FRMD4B: variants seen among roughly 807,000 people sequenced by gnomAD.
FRMD4B encodes the protein FERM domain-containing protein 4B.
FRMD4B carries 74 observed loss-of-function variants against 141.5 expected under a neutral mutation model. That is an observed-to-expected ratio of 0.52 (90% CI 0.43 to 0.63). The LOEUF is 0.63. FRMD4B is among the 30% of genes least tolerant of loss of function. The pLI is 0.00. For missense variants in FRMD4B, 1,366 were observed against 1,253.4 expected (o/e 1.09, Z -1.36); for synonymous variants, 506 against 467.9 (o/e 1.08, Z -1.05).
At chr3:69,515,102 C>G (rs960540070) in intron 1 of FRMD4B, among the ~76,000 whole-genome samples, 2 of 152,160 alleles carry the variant, frequency 1.3e-5, no homozygotes, top group Admixed American at 1.3e-4. Flanking sequence ...GCCTAAATCA[C>G]TCAGTGGGGA....
chr3:69,449,615 C>T (rs1388566236), intron 1 of FRMD4B, among the ~76,000 whole-genome samples: 1 of 152,178 alleles, frequency 6.6e-6, no homozygotes, highest in Non-Finnish European at 1.5e-5. Context: ...AAGGCCCAGA[C>T]AAGTGAAATT....
chr3:69,269,746 A>T (rs915339672), intron 5 of FRMD4B, among the ~76,000 whole-genome samples: 2 of 151,336 alleles, frequency 1.3e-5, no homozygotes, highest in Non-Finnish European at 2.9e-5. Flanking sequence ...CAGCCTCCCA[A>T]GTAGCTGGGA....
intron 1 of FRMD4B, among the ~76,000 whole-genome samples, chr3:69,540,004 C>T (rs1013164425): frequency 6.6e-6 from 1 of 151,748 alleles, no homozygotes; most frequent in African/African-American, 2.4e-5. Flanking sequence ...ACCAGCCCGA[C>T]CAACATGGTG....
chr3:69,282,352 G>A (rs546780292), intron 5 of FRMD4B, among the ~76,000 whole-genome samples: 6 of 152,218 alleles, frequency 3.9e-5, no homozygotes, highest in Admixed American at 1.3e-4. Context: ...GTGTGGAGGG[G>A]GGGCCCGTTC....
At chr3:69,334,469 A>C (rs1394067405) in intron 1 of FRMD4B, 3 of 120,510 alleles carry the variant, frequency 2.5e-5, no homozygotes, top group African/African-American at 6.3e-5. Flanking sequence ...CCTTATCTCT[A>C]CAAAAAAAAA....
At chr3:69,469,298 C>T (rs1395026906) in intron 1 of FRMD4B, among the ~76,000 whole-genome samples, 1 of 152,146 alleles carries the variant, frequency 6.6e-6, no homozygotes, top group African/African-American at 2.4e-5. Context: ...AGAGAAGAAG[C>T]AGAGAGGGTT....
At chr3:69,382,797 G>A (rs1704148511) in intron 1 of FRMD4B, among the ~76,000 whole-genome samples, 2 of 150,848 alleles carry the variant, frequency 1.3e-5, no homozygotes, top group South Asian at 4.2e-4. Context: ...TGGATATAAG[G>A]CCTGAAACTG....
At chr3:69,434,256 G>A (rs1705226311) in intron 1 of FRMD4B, among the ~76,000 whole-genome samples, 1 of 152,190 alleles carries the variant, frequency 6.6e-6, no homozygotes, top group Non-Finnish European at 1.5e-5. Context: ...ATATCTTCTG[G>A]TTGCCTTCAA....
intron 1 of FRMD4B, among the ~76,000 whole-genome samples, chr3:69,513,249 G>T (rs920337975): frequency 5.3e-5 from 8 of 151,460 alleles, no homozygotes; most frequent in African/African-American, 2.0e-4. Context: ...GAAATAAAAG[G>T]GATTATAAGA....
Position 69,255,706 on chromosome 3 carries a change from A to G in FRMD4B, c.502-5607T>C, listed in dbSNP as rs533736486. Among the ~76,000 whole-genome samples, 7 of 152,172 alleles carry G rather than the reference A, an allele frequency of 4.6e-5. No homozygotes were observed. The South Asian group carries it at 8.3e-4, about 18-fold the overall frequency. On this transcript the variant is annotated intron_variant, in intron 5 of 22. Transcript: ENST00000398540. The stretch of plus-strand genomic sequence containing the variant: ...TGGCTCTAGTAGAAACACATCATCA[A>G]TTTTTTGGGGGAGGATGGAAACTGC...
intron 1 of FRMD4B, among the ~76,000 whole-genome samples, chr3:69,539,519 G>GT (rs1287619161): frequency 6.6e-6 from 1 of 152,172 alleles, no homozygotes; most frequent in Non-Finnish European, 1.5e-5. Context: ...ACAAAGTGAA[G>GT]TTTAATACAG....
chr3:69,511,865 A>G (rs1706695223), intron 1 of FRMD4B, among the ~76,000 whole-genome samples: 1 of 152,156 alleles, frequency 6.6e-6, no homozygotes, highest in Non-Finnish European at 1.5e-5. Flanking sequence ...TGTCCCTTGG[A>G]CATGCTTCTC....
chr3:69,330,567 G>A (rs1206414514), intron 1 of FRMD4B, among the ~76,000 whole-genome samples: 3 of 151,304 alleles, frequency 2.0e-5, no homozygotes, highest in East Asian at 1.9e-4. Flanking sequence ...GGCTGGTCTC[G>A]AACTCCTGAC....
chr3:69,252,902 T>C (rs2093471994), intron 5 of FRMD4B, among the ~76,000 whole-genome samples: 1 of 151,848 alleles, frequency 6.6e-6, no homozygotes, highest in Non-Finnish European at 1.5e-5. Flanking sequence ...ACCAGAGAAG[T>C]GAGTCAGATG....
chr3:69,208,945 G>T (rs2093050493), intron 11 of FRMD4B, among the ~76,000 whole-genome samples: 1 of 151,930 alleles, frequency 6.6e-6, no homozygotes, highest in Admixed American at 6.6e-5. Flanking sequence ...GGGGTTCGAG[G>T]CCAGCCTGGC....
At chr3:69,291,368 C>T (rs1171209377) in intron 4 of FRMD4B, among the ~76,000 whole-genome samples, 1 of 152,184 alleles carries the variant, frequency 6.6e-6, no homozygotes, top group Non-Finnish European at 1.5e-5. Flanking sequence ...ATTTAGTCTT[C>T]ACTTGTATTT....
At chr3:69,188,219 A>C (rs550238831) in intron 18 of FRMD4B, among the ~76,000 whole-genome samples, 2 of 152,182 alleles carry the variant, frequency 1.3e-5, no homozygotes, top group African/African-American at 2.4e-5. Flanking sequence ...GCTTTTAAAA[A>C]GCTATATTAA....
intron 1 of FRMD4B, among the ~76,000 whole-genome samples, chr3:69,355,025 A>T (rs1036522788): frequency 4.1e-5 from 5 of 120,968 alleles, no homozygotes; most frequent in African/African-American, 2.5e-4. Flanking sequence ...AAATGGAAAA[A>T]GGAAAAAAAA....
chr3:69,498,521 G>A (rs1203519930), intron 1 of FRMD4B, among the ~76,000 whole-genome samples: 3 of 152,124 alleles, frequency 2.0e-5, no homozygotes, highest in Admixed American at 6.5e-5. Flanking sequence ...TGCTCTTCAA[G>A]GTATTGAGCT....
Sources: gnomAD v4.1 joint callset for allele counts (sites outside exome capture counted in the v4.1 genomes callset) on GRCh38, gnomAD v4.1.1 for gene constraint, MANE v1.5 for transcripts, NCBI Gene and HGNC (gene_info 2026-07-23, HGNC 2026-07-21) for gene names.